Variants in PPIL3 observed in about 807,000 individuals in gnomAD.
PPIL3 encodes peptidylprolyl isomerase like 3.
In PPIL3, 13 loss-of-function variants were observed where a neutral mutation model predicts 20.9. The observed-to-expected ratio is 0.62, with a 90% CI of 0.40 to 0.99. PPIL3 has a LOEUF of 0.99. Among genes scored for constraint, PPIL3 ranks in the 50% least tolerant of loss-of-function variants. PPIL3 has a pLI of 0.00. For synonymous variants in PPIL3, 71 were observed against 64.4 expected (o/e 1.10, Z -0.49); for missense variants, 170 against 195.2 (o/e 0.87, Z 0.77).
intron 6 of PPIL3, among the ~76,000 whole-genome samples, chr2:200,875,415 G>A (rs548574081): frequency 2.1e-4 from 32 of 151,970 alleles, no homozygotes; most frequent in African/African-American, 7.5e-4. Flanking sequence ...TTACAGGCAC[G>A]CACCACCGCA....
At chr2:200,887,481 A>G (rs776415391) in intron 2 of PPIL3, 132 bp downstream of exon 2, 23 of 485,688 alleles carry the variant, frequency 4.7e-5, no homozygotes, top group Middle Eastern at 5.6e-4. Flanking sequence ...ATTATTCCAT[A>G]TTAAGTGCTT....
At chr2:200,872,993 T>C (rs1366084547) in intron 6 of PPIL3, among the ~76,000 whole-genome samples, 2 of 151,712 alleles carry the variant, frequency 1.3e-5, no homozygotes, top group East Asian at 3.9e-4. Flanking sequence ...TGCCTCAGCC[T>C]CCCAAGTAGC....
At chr2:200,882,912 A>C (rs1443052522) in intron 3 of PPIL3, among the ~76,000 whole-genome samples, 5 of 150,550 alleles carry the variant, frequency 3.3e-5, no homozygotes, top group Admixed American at 6.6e-5. Flanking sequence ...AAAAAAAAAC[A>C]ACCAAAAACA....
intron 5 of PPIL3, among the ~76,000 whole-genome samples, chr2:200,878,784 C>A (rs541056633): frequency 1.3e-5 from 2 of 152,272 alleles, no homozygotes; most frequent in African/African-American, 4.8e-5. Flanking sequence ...CTGGGAAATG[C>A]TTTCTACAAA....
At chr2:200,884,310 G>A (rs893727387) in intron 3 of PPIL3, among the ~76,000 whole-genome samples, 6 of 152,278 alleles carry the variant, frequency 3.9e-5, no homozygotes, top group African/African-American at 1.2e-4. Context: ...GCTGAGGCAG[G>A]AGAATCCCTT....
intron 5 of PPIL3, among the ~76,000 whole-genome samples, chr2:200,880,754 A>G (rs2039695051): frequency 1.3e-5 from 2 of 152,078 alleles, no homozygotes; most frequent in South Asian, 2.1e-4. Context: ...AGACCACATA[A>G]TAAGTCATCA....
intron 5 of PPIL3, among the ~76,000 whole-genome samples, chr2:200,879,398 T>C (rs1056150150): frequency 3.9e-5 from 6 of 152,078 alleles, no homozygotes; most frequent in African/African-American, 1.2e-4. Flanking sequence ...GGATTACAGG[T>C]GTGAGCCACC....
Position 200,873,994 on chromosome 2 carries a change from G to A in PPIL3, c.360-2473C>T, listed in dbSNP as rs13399577. On this transcript the variant is annotated intron_variant, in intron 6 of 6. Transcript: ENST00000392283. The stretch of plus-strand genomic sequence containing the variant: ...GCCAAGGCGGGCGGATCACGAGGTC[G>A]GGAGATTGAGACCATCCTGGCTAAC... Among the ~76,000 whole-genome samples, 1,164 of 151,276 alleles carry A rather than the reference G, an allele frequency of 7.7e-3. 20 individuals carry two copies. The highest frequency in any genetic ancestry group is 0.018 in the African/African-American group (744 of 41,348).
intron 6 of PPIL3, among the ~76,000 whole-genome samples, 193 bp downstream of exon 6, chr2:200,876,726 T>C (rs1480394834): frequency 2.0e-5 from 3 of 152,124 alleles, no homozygotes; most frequent in South Asian, 2.1e-4. Context: ...TTCTGCCACA[T>C]TGGCCAGGCT....
intron 5 of PPIL3, chr2:200,877,691 G>C (rs918781033): frequency 6.6e-6 from 1 of 152,120 alleles, no homozygotes; most frequent in African/African-American, 2.4e-5. Context: ...CTGACAATTG[G>C]GCAGAATGTA....
At chr2:200,878,480 C>T (rs1461270342) in intron 5 of PPIL3, among the ~76,000 whole-genome samples, 1 of 151,462 alleles carries the variant, frequency 6.6e-6, no homozygotes, top group Non-Finnish European at 1.5e-5. Context: ...GCCTTGACCT[C>T]CTAGGCTTGA....
At chr2:200,879,671 C>T (rs2039649234) in intron 5 of PPIL3, among the ~76,000 whole-genome samples, 1 of 152,088 alleles carries the variant, frequency 6.6e-6, no homozygotes, top group Non-Finnish European at 1.5e-5. Flanking sequence ...CTCGTCTCTA[C>T]AAAAAATCAG....
intron 4 of PPIL3, among the ~76,000 whole-genome samples, chr2:200,882,003 C>T (rs2039748891): frequency 6.6e-6 from 1 of 152,170 alleles, no homozygotes; most frequent in Non-Finnish European, 1.5e-5. Flanking sequence ...TATTCTCACT[C>T]ATAAGTGGGA....
At position 200,882,468 on chromosome 2, in the gene PPIL3, C is replaced by G. The variant is rs138791426; in HGVS notation, c.79-33G>C. 8 of 1,298,486 alleles carry G rather than the reference C, an allele frequency of 6.2e-6. No homozygotes were observed. In the East Asian group the frequency reaches 1.8e-4, roughly 30 times the overall value. 80.4% of individuals were successfully genotyped at this position (1,298,486 alleles called of 1,614,324 possible). Reference sequence around the variant, plus strand: ...GAGTAAAAATGATTGAGAAATGATGCAGCAGAAACCCAGTTAAGACAAAAA... The same window carrying G: ...GAGTAAAAATGATTGAGAAATGATGGAGCAGAAACCCAGTTAAGACAAAAA... On this transcript the variant is annotated intron_variant, in intron 3 of 6. Transcript: ENST00000392283.
intron 5 of PPIL3, among the ~76,000 whole-genome samples, chr2:200,880,933 T>C (rs984685016): frequency 3.9e-5 from 6 of 152,188 alleles, no homozygotes; most frequent in African/African-American, 1.4e-4. Context: ...ACTATTTATA[T>C]GTACTACTCT....
intron 4 of PPIL3, 71 bp downstream of exon 4, chr2:200,882,271 T>G: frequency 1.0e-6 from 1 of 999,352 alleles, no homozygotes; most frequent in Admixed American, 2.1e-5. Context: ...CGTATTTAAT[T>G]CCTCTTCTTT....
upstream of PPIL3, chr2:200,889,152 G>A (rs1036499072): frequency 9.6e-6 from 4 of 417,954 alleles, no homozygotes; most frequent in African/African-American, 2.1e-5. Context: ...AAACCAAAAC[G>A]ACAATGCAAT....
chr2:200,883,329 C>A (rs1392652723), intron 3 of PPIL3, among the ~76,000 whole-genome samples: 1 of 151,948 alleles, frequency 6.6e-6, no homozygotes, highest in African/African-American at 2.4e-5. Flanking sequence ...ATACCTCTTT[C>A]CATGGAGATG....
Position 200,879,125 on chromosome 2 carries a change from C to CT in PPIL3, c.241-2089dup, listed in dbSNP as rs1056461692. The stretch of plus-strand genomic sequence containing the variant: ...GTATAAGGTGTATAATATAATGGTT[C>CT]TTTTTTTTTTTTAGACGGAGTCTCG... On this transcript the variant is annotated intron_variant, in intron 5 of 6. Coordinates refer to ENST00000392283, the MANE Select transcript of PPIL3 (RefSeq NM_130906.3). Among the ~76,000 whole-genome samples, 194 of 144,908 alleles carry CT rather than the reference C, an allele frequency of 1.3e-3. 5 individuals carry two copies. The East Asian group carries it at 0.029, about 22-fold the overall frequency.
Sources: gnomAD v4.1 joint callset for allele counts (sites outside exome capture counted in the v4.1 genomes callset) on GRCh38, gnomAD v4.1.1 for gene constraint, MANE v1.5 for transcripts, NCBI Gene and HGNC (gene_info 2026-07-23, HGNC 2026-07-21) for gene names.